Variants in DENND2A observed in about 807,000 individuals in gnomAD.
The protein encoded by DENND2A is DENN domain-containing protein 2A.
A neutral mutation model predicts 105.3 loss-of-function variants in DENND2A; 53 were observed. The ratio of observed to expected loss-of-function variants is 0.50; its 90% CI spans 0.40 to 0.63. The LOEUF (loss-of-function observed/expected upper bound fraction) is 0.63. DENND2A is among the 30% of genes least tolerant of loss of function. DENND2A has a pLI of 0.00. For missense variants in DENND2A, 1,138 were observed against 1,279.6 expected, an observed-to-expected ratio of 0.89 and a Z score of 1.69; for synonymous variants, 522 against 508.4, an observed-to-expected ratio of 1.03 and a Z score of -0.36.
chr7:140,557,892 G>A (rs1033996998), intron 11 of DENND2A, among the ~76,000 whole-genome samples: 19 of 151,904 alleles, frequency 1.3e-4, no homozygotes, highest in Non-Finnish European at 2.1e-4. Context: ...GGCTGGTCTC[G>A]AACTCCTGGT....
intron 2 of DENND2A, among the ~76,000 whole-genome samples, chr7:140,603,929 C>T (rs968039192): frequency 1.3e-5 from 2 of 152,130 alleles, no homozygotes; most frequent in African/African-American, 2.4e-5. Context: ...TACATGCTTC[C>T]AAATGTAATT....
intron 1 of DENND2A, among the ~76,000 whole-genome samples, chr7:140,632,923 G>A (rs1439649574): frequency 8.2e-5 from 12 of 147,046 alleles, no homozygotes; most frequent in Non-Finnish European, 1.6e-4. Flanking sequence ...GTCCAGTGGC[G>A]CAATCTCAGC....
chr7:140,638,565 C>T (rs1396813456), intron 1 of DENND2A, among the ~76,000 whole-genome samples: 1 of 152,208 alleles, frequency 6.6e-6, no homozygotes, highest in African/African-American at 2.4e-5. Flanking sequence ...TCAGTGCATA[C>T]TCCTGCCTCC....
chr7:140,567,407 A>G, intron 8 of DENND2A, 134 bp from the exon 9 acceptor site: 2 of 727,678 alleles, frequency 2.7e-6, no homozygotes, highest in Non-Finnish European at 4.2e-6. Context: ...GAGCTGCAAT[A>G]GGTTATGTAA....
intron 3 of DENND2A, among the ~76,000 whole-genome samples, chr7:140,588,970 T>C (rs547556979): frequency 6.6e-6 from 1 of 152,234 alleles, no homozygotes; most frequent in South Asian, 2.1e-4. Flanking sequence ...CTCGAACTCC[T>C]GACCCCAGGT....
At chr7:140,638,314 C>T (rs1427734102) in intron 1 of DENND2A, among the ~76,000 whole-genome samples, 1 of 152,208 alleles carries the variant, frequency 6.6e-6, no homozygotes, top group African/African-American at 2.4e-5. Context: ...CTCAGAAGGT[C>T]CACATTCCTT....
intron 11 of DENND2A, among the ~76,000 whole-genome samples, chr7:140,556,084 G>A (rs937965161): frequency 6.6e-6 from 1 of 152,134 alleles, no homozygotes; most frequent in East Asian, 1.9e-4. Flanking sequence ...GTGGTGTGAT[G>A]TTGGCTCACT....
chr7:140,593,371 A>G (rs537645924), intron 3 of DENND2A, among the ~76,000 whole-genome samples: 2 of 152,308 alleles, frequency 1.3e-5, no homozygotes, highest in East Asian at 1.9e-4. Context: ...GGTGCTTCTG[A>G]GTTTCAGAGA....
intron 3 of DENND2A, among the ~76,000 whole-genome samples, chr7:140,599,862 T>TG (rs1288832350): frequency 4.0e-5 from 6 of 151,828 alleles, no homozygotes; most frequent in South Asian, 2.1e-4. Context: ...CCATGCTGAG[T>TG]GGGGGGTGAC....
rs758439481 is a variant in DENND2A at position 140,527,444 on chromosome 7, G to C, written c.2379C>G (p.Ala793=). 6.2e-7 allele frequency: 1 copy of C among 1,605,052 alleles called. No homozygotes were observed. The highest frequency in any genetic ancestry group is 1.7e-5 in the Admixed American group (1 of 58,156). The part of the protein sequence containing the change: ...HAMVALIYPF[A]WQHTYIPVLP... The stretch of plus-strand genomic sequence containing the variant: ...GCACCGGGATGTAGGTGTGCTGCCA[G>C]GCGAAGGGGTAGATCAGCGCCACCA... The change falls in exon 15 of 20, where the codon GCC becomes GCG. Residue 793 remains alanine, a synonymous_variant. Transcript: ENST00000496613. This position sits in a 1 kb window ranked among gnomAD's most constrained non-coding sequence, Gnocchi z 4.9.
chr7:140,640,832 T>A (rs1342132306), upstream of DENND2A: 1 of 150,564 alleles, frequency 6.6e-6, no homozygotes, highest in Non-Finnish European at 1.5e-5. The surrounding 1 kb of genome is among the most constrained non-coding windows in gnomAD (Gnocchi z 4.9). Flanking sequence ...CGCCCCCTCC[T>A]CCCGACCCAT....
chr7:140,559,048 C>A lies in DENND2A; in HGVS notation c.1889+660G>T, dbSNP rs1331489604. ...GAGAGGGAAGAGCCTGGGGTGCTGT[C>A]CTCAGGGAACTGAGCATGTGTGAGT... On this transcript the variant is annotated intron_variant, in intron 10 of 19. Coordinates refer to ENST00000496613, the MANE Select transcript of DENND2A (RefSeq NM_015689.5). This position sits in a 1 kb window ranked among gnomAD's most constrained non-coding sequence, Gnocchi z 4.1. Among the ~76,000 whole-genome samples the A allele has an allele frequency of 3.9e-5, 6 of 152,096 alleles. No individual in the cohort carries two copies. The highest frequency in any genetic ancestry group is 1.4e-4 in the African/African-American group (6 of 41,442).
intron 6 of DENND2A, 53 bp from the exon 7 acceptor site, chr7:140,569,791 C>A: frequency 7.6e-7 from 1 of 1,309,746 alleles, no homozygotes. Context: ...CTCTCTGTGG[C>A]AGCTGGGCTT....
At chr7:140,615,368 C>T (rs1287659882) in intron 1 of DENND2A, among the ~76,000 whole-genome samples, 1 of 152,130 alleles carries the variant, frequency 6.6e-6, no homozygotes, top group East Asian at 1.9e-4. Flanking sequence ...ACATATTTGG[C>T]AAAACTGCGG....
At chr7:140,626,199 T>G (rs1800519251) in intron 1 of DENND2A, among the ~76,000 whole-genome samples, 1 of 152,070 alleles carries the variant, frequency 6.6e-6, no homozygotes, top group South Asian at 2.1e-4. Flanking sequence ...TGGGAAATAG[T>G]TATGATTTTA....
chr7:140,545,677 T>C (rs193172978), intron 13 of DENND2A, among the ~76,000 whole-genome samples: 2 of 152,278 alleles, frequency 1.3e-5, no homozygotes, highest in Non-Finnish European at 2.9e-5. Flanking sequence ...CCTGTGTGTA[T>C]ATCTTCTTAT....
chr7:140,641,451 G>A (rs1801202922), upstream of DENND2A: 1 of 152,244 alleles, frequency 6.6e-6, no homozygotes, highest in African/African-American at 2.4e-5. Flanking sequence ...GAAGTCCGCA[G>A]GGAAATGCCG....
At chr7:140,546,456 A>C (rs1294527962) in intron 13 of DENND2A, among the ~76,000 whole-genome samples, 3 of 152,228 alleles carry the variant, frequency 2.0e-5, no homozygotes, top group Non-Finnish European at 4.4e-5. Context: ...GAGGTGATAC[A>C]GACTTGAAAT....
chr7:140,622,322 G>T (rs1198343713), intron 1 of DENND2A, among the ~76,000 whole-genome samples: 1 of 152,020 alleles, frequency 6.6e-6, no homozygotes, highest in Non-Finnish European at 1.5e-5. Context: ...CTTGAACCTG[G>T]GAGGCGGAGG....
Sources: allele counts gnomAD v4.1 joint callset (sites outside exome capture counted in the v4.1 genomes callset), GRCh38; gene constraint gnomAD v4.1.1; non-coding constraint Gnocchi (gnomAD v3.1); transcripts MANE v1.5; gene names NCBI Gene and HGNC (gene_info 2026-07-23, HGNC 2026-07-21).